BMPR1A: variants seen among roughly 807,000 people sequenced by gnomAD.
BMPR1A encodes the protein bone morphogenetic protein receptor type-1A.
BMPR1A carries 7 observed loss-of-function variants against 66.0 expected under a neutral mutation model. The observed-to-expected ratio is 0.11, with a 90% confidence interval of 0.06 to 0.20. The LOEUF is 0.20. BMPR1A is among the 10% of genes least tolerant of loss of function. BMPR1A has a pLI of 1.00. For missense variants in BMPR1A, 408 were observed against 669.1 expected (o/e 0.61, Z 4.31); for synonymous variants, 200 against 229.7 (o/e 0.87, Z 1.17).
At chr10:86,884,355 G>A (rs1334832366) in intron 3 of BMPR1A, among the ~76,000 whole-genome samples, 1 of 144,868 alleles carries the variant, frequency 6.9e-6, no homozygotes, top group Non-Finnish European at 1.5e-5. Context: ...GTAAGTGCTA[G>A]GATTACAGGC....
chr10:86,855,205 C>A, intron 2 of BMPR1A: 1 of 758,310 alleles, frequency 1.3e-6, no homozygotes, highest in South Asian at 4.4e-5. Context: ...CACCCTGCGT[C>A]GCTAAGTTTT....
intron 1 of BMPR1A, among the ~76,000 whole-genome samples, chr10:86,760,375 TCCCAG>T (rs1344281863): frequency 2.0e-5 from 3 of 148,926 alleles, no homozygotes; most frequent in African/African-American, 4.9e-5. Flanking sequence ...TGCCTCAGCC[TCCCAG>T]GTAGCTGGGA....
chr10:86,831,241 C>T (rs556974393), intron 1 of BMPR1A, among the ~76,000 whole-genome samples: 12 of 152,262 alleles, frequency 7.9e-5, no homozygotes, highest in African/African-American at 2.9e-4. Flanking sequence ...TGTACGCATG[C>T]GAGTACTTGT....
intron 1 of BMPR1A, among the ~76,000 whole-genome samples, chr10:86,800,947 A>T (rs907768660): frequency 1.3e-5 from 2 of 152,214 alleles, no homozygotes; most frequent in Non-Finnish European, 2.9e-5. Context: ...GTACTTACGT[A>T]TGATGAGAAA....
chr10:86,811,607 G>A (rs1318697992), intron 1 of BMPR1A, among the ~76,000 whole-genome samples: 1 of 152,120 alleles, frequency 6.6e-6, no homozygotes, highest in Non-Finnish European at 1.5e-5. Flanking sequence ...ACACCAAGAG[G>A]TGTGATCAGA....
At chr10:86,792,063 C>CTTTTTTTT (rs35251758) in intron 1 of BMPR1A, among the ~76,000 whole-genome samples, 1 of 83,602 alleles carries the variant, frequency 1.2e-5, no homozygotes, top group Non-Finnish European at 2.3e-5. Context: ...ACTGTCAGAT[C>CTTTTTTTT]TTTTTTTTTT....
chr10:86,858,780 C>CA (rs1401550236), intron 2 of BMPR1A, among the ~76,000 whole-genome samples: 1 of 152,056 alleles, frequency 6.6e-6, no homozygotes, highest in Non-Finnish European at 1.5e-5. Context: ...TTGAAGCGGG[C>CA]ACAAAATATG....
intron 2 of BMPR1A, among the ~76,000 whole-genome samples, chr10:86,867,955 T>A (rs1295464001): frequency 6.6e-6 from 1 of 152,194 alleles, no homozygotes; most frequent in Non-Finnish European, 1.5e-5. Context: ...TGATTGTTAA[T>A]TAATAATTGA....
intron 1 of BMPR1A, among the ~76,000 whole-genome samples, chr10:86,832,397 C>T (rs1842282479): frequency 6.7e-6 from 1 of 149,938 alleles, no homozygotes; most frequent in East Asian, 2.0e-4. Context: ...ACCCGGGAGG[C>T]AGAGGTTGTG....
chr10:86,828,597 C>A (rs1408356470), intron 1 of BMPR1A, among the ~76,000 whole-genome samples: 1 of 152,094 alleles, frequency 6.6e-6, no homozygotes, highest in Non-Finnish European at 1.5e-5. Flanking sequence ...AGAGTGTAAT[C>A]ATGCTGATTT....
intron 7 of BMPR1A, among the ~76,000 whole-genome samples, chr10:86,908,024 G>A (rs1199137411): frequency 1.3e-5 from 2 of 152,274 alleles, no homozygotes; most frequent in East Asian, 3.9e-4. Flanking sequence ...GCAACATGGT[G>A]AAACCACATC....
chr10:86,870,178 C>A (rs1183488549), intron 2 of BMPR1A, among the ~76,000 whole-genome samples: 1 of 152,184 alleles, frequency 6.6e-6, no homozygotes, highest in Non-Finnish European at 1.5e-5. Flanking sequence ...TATTACCGTT[C>A]TTTTAGCATA....
intron 1 of BMPR1A, among the ~76,000 whole-genome samples, chr10:86,765,653 CA>C (rs1841150370): frequency 6.6e-6 from 1 of 152,098 alleles, no homozygotes. Flanking sequence ...TGCTAATACA[CA>C]TGGTGAAACT....
In BMPR1A at chr10:86,906,989, A is replaced by C. The variant is rs907374191; in HGVS notation, c.531-5251A>C. Among the ~76,000 whole-genome samples the C allele has an allele frequency of 2.0e-5, 3 of 151,496 alleles. No individual in the cohort carries two copies. In the East Asian group the frequency reaches 5.8e-4, roughly 29 times the overall value. The stretch of plus-strand genomic sequence containing the variant: ...CTGTGTATTGTTGAGCTCATCAAAC[A>C]TTCTTCATCTTTAATAGCATGTTTT... On this transcript the variant is annotated intron_variant, in intron 7 of 12. Coordinates refer to ENST00000372037, the MANE Select transcript of BMPR1A (RefSeq NM_004329.3).
intron 1 of BMPR1A, among the ~76,000 whole-genome samples, chr10:86,787,744 C>T (rs566249730): frequency 6.6e-6 from 1 of 152,236 alleles, no homozygotes; most frequent in East Asian, 1.9e-4. Flanking sequence ...CCTCAGGAAA[C>T]TTACAATCAT....
intron 1 of BMPR1A, among the ~76,000 whole-genome samples, chr10:86,790,552 A>G (rs1445566268): frequency 2.0e-5 from 3 of 152,116 alleles, no homozygotes; most frequent in East Asian, 1.9e-4. Flanking sequence ...CAAATGTCCA[A>G]CCGATAAATA....
intron 1 of BMPR1A, among the ~76,000 whole-genome samples, chr10:86,810,039 C>T (rs781324271): frequency 1.4e-4 from 21 of 152,040 alleles, no homozygotes; most frequent in East Asian, 9.7e-4. Context: ...AGCATGATCT[C>T]GGCTCACTGC....
chr10:86,774,500 A>G (rs955082703), intron 1 of BMPR1A, among the ~76,000 whole-genome samples: 1 of 152,108 alleles, frequency 6.6e-6, no homozygotes, highest in African/African-American at 2.4e-5. Flanking sequence ...GATTTTTTTT[A>G]TAAGACTTTA....
chr10:86,906,842 G>A (rs1168499373), intron 7 of BMPR1A, among the ~76,000 whole-genome samples: 1 of 150,908 alleles, frequency 6.6e-6, no homozygotes, highest in Non-Finnish European at 1.5e-5. Context: ...TTGTGCCACA[G>A]CTCTTTAATT....
Sources: allele counts gnomAD v4.1 joint callset (sites outside exome capture counted in the v4.1 genomes callset), GRCh38; gene constraint gnomAD v4.1.1; transcripts MANE v1.5; gene names NCBI Gene and HGNC (gene_info 2026-07-23, HGNC 2026-07-21).